The following HECW1 variants were observed in gnomAD, a reference collection of about 807,000 sequenced individuals.
HECW1 encodes E3 ubiquitin-protein ligase HECW1.
In HECW1, 61 loss-of-function variants were observed where a neutral mutation model predicts 182.3. The ratio of observed to expected loss-of-function variants is 0.33; its 90% CI spans 0.27 to 0.41. The LOEUF (loss-of-function observed/expected upper bound fraction) is 0.41, where lower values mean the gene tolerates loss of function less well. Among genes scored for constraint, HECW1 ranks in the 10% least tolerant of loss-of-function variants. The pLI, the probability that HECW1 is intolerant of heterozygous loss-of-function variation, is 1.00. For missense variants in HECW1, 1,739 were observed against 2,108.9 expected, an observed-to-expected ratio of 0.82 and a Z score of 3.44; for synonymous variants, 859 against 832.6, an observed-to-expected ratio of 1.03 and a Z score of -0.55.
intron 9 of HECW1, chr7:43,438,359 G>C: frequency 2.4e-6 from 1 of 412,118 alleles, no homozygotes; most frequent in Non-Finnish European, 4.3e-6. Flanking sequence ...GTGTAACACT[G>C]GTTACTTACC....
intron 2 of HECW1, among the ~76,000 whole-genome samples, chr7:43,198,745 C>T (rs1794755266): frequency 6.6e-6 from 1 of 151,236 alleles, no homozygotes; most frequent in African/African-American, 2.4e-5. Context: ...CCCACACTCT[C>T]ACACACTATA....
intron 12 of HECW1, among the ~76,000 whole-genome samples, chr7:43,455,781 A>G (rs2077382066): frequency 1.1e-5 from 1 of 87,898 alleles, no homozygotes; most frequent in South Asian, 4.9e-4. Flanking sequence ...ACCTGAGGTC[A>G]GGAGTTTGAG....
chr7:43,389,619 C>T (rs1361473116), intron 6 of HECW1, among the ~76,000 whole-genome samples: 17 of 151,414 alleles, frequency 1.1e-4, no homozygotes, highest in Non-Finnish European at 1.6e-4. Flanking sequence ...ATTGTTGTTG[C>T]TGTTGTTGTT....
intron 5 of HECW1, among the ~76,000 whole-genome samples, chr7:43,322,151 C>T (rs368026825): frequency 6.6e-6 from 1 of 152,262 alleles, no homozygotes; most frequent in East Asian, 1.9e-4. Flanking sequence ...CTCACTGCAA[C>T]CTCCGCCTCC....
intron 26 of HECW1, among the ~76,000 whole-genome samples, chr7:43,542,361 T>C (rs979508977): frequency 1.3e-5 from 2 of 152,094 alleles, no homozygotes; most frequent in Non-Finnish European, 2.9e-5. Flanking sequence ...TTGTAGCATG[T>C]GTCTGAATTT....
rs370274210 is a variant in HECW1, at chr7:43,430,090, A to C, written c.802-7913A>C. 5.9e-5 allele frequency among the ~76,000 whole-genome samples: 9 copies of C among 152,304 alleles called. No homozygotes were observed. In the South Asian group the frequency reaches 1.7e-3, roughly 28 times the overall value. ...TCCTTAACCTTTTCTGAATTTCATA[A>C]ATTTGTGAGTGTGCATAAATGAATC... On this transcript the variant is annotated intron_variant, in intron 8 of 29. Coordinates refer to ENST00000395891, the MANE Select transcript of HECW1 (RefSeq NM_015052.5).
chr7:43,461,529 C>T (rs1323582947), intron 13 of HECW1, among the ~76,000 whole-genome samples: 1 of 152,190 alleles, frequency 6.6e-6, no homozygotes, highest in African/African-American at 2.4e-5. Context: ...TTTGGCAGGC[C>T]CCGTTCCCTG....
intron 2 of HECW1, among the ~76,000 whole-genome samples, chr7:43,198,382 T>C (rs1478561650): frequency 1.6e-5 from 2 of 124,244 alleles, no homozygotes; most frequent in East Asian, 5.2e-4. Context: ...CACACACGTC[T>C]TACACACACT....
At chr7:43,280,007 C>A (rs1803682818) in intron 3 of HECW1, among the ~76,000 whole-genome samples, 1 of 152,146 alleles carries the variant, frequency 6.6e-6, no homozygotes, top group Non-Finnish European at 1.5e-5. Context: ...TCACAGCTCA[C>A]TGGGGAGGCT....
chr7:43,369,689 G>GA (rs1174658879), intron 6 of HECW1, among the ~76,000 whole-genome samples: 5 of 150,692 alleles, frequency 3.3e-5, no homozygotes, highest in African/African-American at 1.2e-4. Context: ...CAGTGACCTA[G>GA]AAAAAAGAGG....
intron 8 of HECW1, among the ~76,000 whole-genome samples, chr7:43,420,043 C>A (rs11975950): frequency 0.027 from 4,141 of 152,254 alleles, 210 homozygotes; most frequent in African/African-American, 0.095. Flanking sequence ...GGTAAAAACA[C>A]CTTCAAATAA....
At chr7:43,241,673 G>A (rs1798903506) in intron 2 of HECW1, among the ~76,000 whole-genome samples, 1 of 136,644 alleles carries the variant, frequency 7.3e-6, no homozygotes, top group Admixed American at 7.5e-5. Context: ...TAATTAATTG[G>A]ATCAATATTT....
intron 2 of HECW1, among the ~76,000 whole-genome samples, chr7:43,158,830 C>T (rs1353835438): frequency 6.6e-6 from 1 of 152,142 alleles, no homozygotes; most frequent in Non-Finnish European, 1.5e-5. Context: ...TTTAAAAAAC[C>T]AATTCAAGTG....
rs35096209 is a variant in HECW1 at position 43,432,145 on chromosome 7, C to CTT, written c.802-5847_802-5846dup. 1.2e-4 allele frequency among the ~76,000 whole-genome samples: 17 copies of CTT among 144,534 alleles called. No individual in the cohort carries two copies. Among genetic ancestry groups the CTT allele is most frequent in the Admixed American group, 2.7e-4 (4 of 14,672 alleles). The allele number at this position is 144,534 out of a possible 152,430, so 94.8% of individuals were successfully genotyped here. On this transcript the variant is annotated intron_variant, in intron 8 of 29. Coordinates refer to ENST00000395891, the MANE Select transcript of HECW1 (RefSeq NM_015052.5). The surrounding 1 kb of genome is among the most constrained non-coding windows in gnomAD (Gnocchi z 4.1). ...ACCCGGCCAGTTGTTTATTTTATTT[C>CTT]TTTTTTTTTTTTGAGACGGAGTCTC... is the stretch of plus-strand genomic sequence containing the variant.
chr7:43,536,736 C>T (rs999902383), intron 24 of HECW1, among the ~76,000 whole-genome samples: 3 of 152,132 alleles, frequency 2.0e-5, no homozygotes, highest in African/African-American at 7.2e-5. Context: ...TAGCTGTTCC[C>T]TCCACCCACC....
At chr7:43,169,057 C>G (rs941412115) in intron 2 of HECW1, among the ~76,000 whole-genome samples, 7 of 152,182 alleles carry the variant, frequency 4.6e-5, no homozygotes, top group South Asian at 2.1e-4. Context: ...TATGTTCATG[C>G]ATTACTTGTA....
intron 11 of HECW1, among the ~76,000 whole-genome samples, chr7:43,446,855 A>G (rs1295796726): frequency 6.6e-6 from 1 of 152,206 alleles, no homozygotes; most frequent in African/African-American, 2.4e-5. Flanking sequence ...AGTAGAAGGG[A>G]ATGGGAAATG....
intron 5 of HECW1, among the ~76,000 whole-genome samples, chr7:43,343,728 C>T (rs1275264814): frequency 3.9e-5 from 6 of 151,952 alleles, no homozygotes; most frequent in South Asian, 4.1e-4. Context: ...AATAAAAATA[C>T]GTGTGCATGT....
rs539817485 is a variant in HECW1 at position 43,529,863 on chromosome 7, G to C, written c.4020-11300G>C. ...CTACTGAAGTCTGATTTCAGTAATC[G>C]TCACCAGCACTGCCCTTTCCATGAG... On this transcript the variant is annotated intron_variant, in intron 24 of 29. Coordinates refer to ENST00000395891, the MANE Select transcript of HECW1 (RefSeq NM_015052.5). Among the ~76,000 whole-genome samples the C allele has an allele frequency of 1.3e-4, 20 of 152,108 alleles. 1 individual carries two copies. The South Asian group carries it at 3.9e-3, about 30-fold the overall frequency.
Sources: gnomAD v4.1 joint callset for allele counts (sites outside exome capture counted in the v4.1 genomes callset) on GRCh38, gnomAD v4.1.1 for gene constraint, Gnocchi (gnomAD v3.1) non-coding constraint, MANE v1.5 for transcripts, NCBI Gene and HGNC (gene_info 2026-07-23, HGNC 2026-07-21) for gene names.